Variants in CHST11 observed in about 807,000 individuals in gnomAD.
CHST11 encodes the protein C4S-1.
Under a neutral mutation model 30.4 loss-of-function variants are expected in CHST11, and 9 were observed. The ratio of observed to expected loss-of-function variants is 0.30; its 90% CI spans 0.18 to 0.52. CHST11 has a LOEUF of 0.52. CHST11 is among the 20% of genes least tolerant of loss of function. The pLI is 0.97. For missense variants in CHST11, 348 were observed against 460.6 expected (o/e 0.76, Z 2.24); for synonymous variants, 152 against 187.8 (o/e 0.81, Z 1.56).
Position 104,757,920 on chromosome 12 carries a change from C to T in CHST11, c.*117C>T, listed in dbSNP as rs775004864. 3.7e-5 allele frequency: 41 copies of T among 1,100,220 alleles called. No individual in the cohort carries two copies. Among genetic ancestry groups the T allele is most frequent in the Middle Eastern group, 2.9e-4 (1 of 3,428 alleles). 68.2% of individuals were successfully genotyped at this position (1,100,220 alleles called of 1,614,324 possible). A position where few individuals can be genotyped will look rare whatever the true frequency, so the allele number is the denominator to read the frequency against. On this transcript the variant is annotated 3_prime_UTR_variant, in exon 3 of 3. Coordinates refer to ENST00000303694, the MANE Select transcript of CHST11 (RefSeq NM_018413.6). The surrounding 1 kb of genome is among the most constrained non-coding windows in gnomAD (Gnocchi z 6.5). ...TAATATTTCTTTGGGGATGATGCTG[C>T]GAGCAGCATAGTGAGAATTATTTAA...
At chr12:104,689,312 A>G (rs1167961167) in intron 2 of CHST11, among the ~76,000 whole-genome samples, 4 of 152,162 alleles carry the variant, frequency 2.6e-5, no homozygotes, top group Non-Finnish European at 4.4e-5. Flanking sequence ...CTTGCTTCCA[A>G]TCGAAATACA....
At chr12:104,621,305 A>G (rs1448179143) in intron 2 of CHST11, among the ~76,000 whole-genome samples, 1 of 152,210 alleles carries the variant, frequency 6.6e-6, no homozygotes, top group Non-Finnish European at 1.5e-5. Flanking sequence ...AGTCAAGGCG[A>G]TGGGCTGCAG....
chr12:104,722,164 G>T (rs573413969), intron 2 of CHST11, among the ~76,000 whole-genome samples: 1 of 135,192 alleles, frequency 7.4e-6, no homozygotes, highest in Non-Finnish European at 1.5e-5. Context: ...AAGTGTGTGT[G>T]TGTGTGTGTG....
intron 2 of CHST11, among the ~76,000 whole-genome samples, chr12:104,695,057 T>C (rs892131607): frequency 2.6e-5 from 4 of 151,270 alleles, no homozygotes; most frequent in African/African-American, 9.7e-5. Flanking sequence ...TGCTGGGGGG[T>C]TCTCCGAAGC....
At chr12:104,677,082 T>C (rs2039749226) in intron 2 of CHST11, among the ~76,000 whole-genome samples, 1 of 152,228 alleles carries the variant, frequency 6.6e-6, no homozygotes, top group Non-Finnish European at 1.5e-5. Flanking sequence ...GAGTTTTCAG[T>C]ACCAGTTTTG....
chr12:104,474,775 G>A (rs774291516), intron 1 of CHST11, among the ~76,000 whole-genome samples: 2 of 152,190 alleles, frequency 1.3e-5, no homozygotes, highest in Non-Finnish European at 2.9e-5. Context: ...AGGGATCTTG[G>A]GTTCTTGTCC....
intron 1 of CHST11, among the ~76,000 whole-genome samples, chr12:104,536,555 C>G (rs1163335113): frequency 6.6e-6 from 1 of 152,234 alleles, no homozygotes; most frequent in African/African-American, 2.4e-5. Context: ...ATGTCTCATT[C>G]TCTTCCTTTG....
intron 2 of CHST11, among the ~76,000 whole-genome samples, chr12:104,647,076 T>G (rs2039440550): frequency 6.6e-6 from 1 of 152,242 alleles, no homozygotes; most frequent in Non-Finnish European, 1.5e-5. Flanking sequence ...GGCTGCCTCA[T>G]GTGGAGGTGA....
intron 2 of CHST11, among the ~76,000 whole-genome samples, chr12:104,683,431 C>T (rs866848745): frequency 1.6e-4 from 24 of 152,092 alleles, no homozygotes; most frequent in African/African-American, 5.1e-4. Context: ...TGGAGGTGGC[C>T]CTATGGTTTT....
chr12:104,627,557 G>T (rs7137401), intron 2 of CHST11, among the ~76,000 whole-genome samples: 2 of 152,004 alleles, frequency 1.3e-5, no homozygotes, highest in African/African-American at 4.8e-5. Flanking sequence ...TTCAACAAGC[G>T]CAGGTTCAGA....
In CHST11 at chr12:104,680,437, G is replaced by C. The variant is rs145458513; in HGVS notation, c.205-76512G>C. Among the ~76,000 whole-genome samples, 445 of 152,324 alleles carry C rather than the reference G, an allele frequency of 2.9e-3. 3 individuals carry two copies. The highest frequency in any genetic ancestry group is 0.01 in the African/African-American group (420 of 41,578). ...CCTGATGAATGTGGGGATGGGGACG[G>C]ACATGTGGCCAGGCAGGCACACAGG... On this transcript the variant is annotated intron_variant, in intron 2 of 2. Coordinates refer to ENST00000303694, the MANE Select transcript of CHST11 (RefSeq NM_018413.6).
At chr12:104,514,107 G>T in intron 1 of CHST11, 1 of 1,215,272 alleles carries the variant, frequency 8.2e-7, no homozygotes, top group Non-Finnish European at 1.2e-6. Context: ...GCCTGTGTCT[G>T]CCTCCTTCTT....
At chr12:104,554,626 G>A (rs1435558490) in intron 1 of CHST11, among the ~76,000 whole-genome samples, 1 of 152,208 alleles carries the variant, frequency 6.6e-6, no homozygotes, top group Non-Finnish European at 1.5e-5. Flanking sequence ...GGGACTGCTG[G>A]GGAGGATGGA....
chr12:104,720,492 C>T (rs1249679420), intron 2 of CHST11, among the ~76,000 whole-genome samples: 5 of 152,198 alleles, frequency 3.3e-5, no homozygotes, highest in Admixed American at 1.3e-4. Flanking sequence ...TAGGGCTGGA[C>T]GGCAGCTACA....
At position 104,757,078 on chromosome 12, in the gene CHST11, G is replaced by T. The variant is rs2040483034; in HGVS notation, c.334G>T (p.Val112Leu). The change falls in exon 3 of 3, where the codon GTG (valine) becomes TTG (leucine). Residue 112 changes from valine to leucine, a missense_variant. Val to Leu is a conservative substitution (Grantham distance 32). Coordinates refer to ENST00000303694, the MANE Select transcript of CHST11 (RefSeq NM_018413.6). This position sits in a 1 kb window ranked among gnomAD's most constrained non-coding sequence, Gnocchi z 6.5. Reference sequence around the variant, plus strand: ...CCCCAACGACCTGAAGCACTTGGTGGTGGATGAGGACCACGAGCTCATCTA... The same window carrying T: ...CCCCAACGACCTGAAGCACTTGGTGTTGGATGAGGACCACGAGCTCATCTA... The part of the protein sequence containing the change: ...LTPNDLKHLV[V>L]DEDHELIYCY... 1 of 1,614,022 alleles carries T rather than the reference G, an allele frequency of 6.2e-7. No individual in the cohort carries two copies.
intron 2 of CHST11, among the ~76,000 whole-genome samples, chr12:104,713,595 T>C (rs985533779): frequency 5.3e-5 from 8 of 152,194 alleles, no homozygotes; most frequent in African/African-American, 1.4e-4. Context: ...CAGGAGCCGA[T>C]ACCTGGCTCT....
chr12:104,489,452 G>T (rs554822911), intron 1 of CHST11, among the ~76,000 whole-genome samples: 4 of 152,014 alleles, frequency 2.6e-5, no homozygotes, highest in Non-Finnish European at 5.9e-5. Context: ...TAAGGTCCTT[G>T]GGGGTAGGAA....
chr12:104,705,033 T>A (rs1290655584), intron 2 of CHST11, among the ~76,000 whole-genome samples: 1 of 152,188 alleles, frequency 6.6e-6, no homozygotes, highest in Non-Finnish European at 1.5e-5. Context: ...AATATTATAA[T>A]ATGAAACTCT....
chr12:104,748,581 T>C (rs2040406413), intron 2 of CHST11, among the ~76,000 whole-genome samples: 1 of 148,888 alleles, frequency 6.7e-6, no homozygotes, highest in South Asian at 2.1e-4. Context: ...AAGAGACACC[T>C]GGGGAGTGGA....
Sources: allele counts gnomAD v4.1 joint callset (sites outside exome capture counted in the v4.1 genomes callset), GRCh38; gene constraint gnomAD v4.1.1; non-coding constraint Gnocchi (gnomAD v3.1); transcripts MANE v1.5; gene names NCBI Gene and HGNC (gene_info 2026-07-23, HGNC 2026-07-21).